GRID1: variants seen among roughly 807,000 people sequenced by gnomAD.
GRID1 encodes glutamate receptor ionotropic, delta-1.
GRID1 carries 28 observed loss-of-function variants against 98.0 expected under a neutral mutation model. The observed-to-expected ratio is 0.29, with a 90% CI of 0.21 to 0.39. The LOEUF (loss-of-function observed/expected upper bound fraction) is 0.39. Ranked by LOEUF, GRID1 falls within the 10% of genes least tolerant of loss-of-function variation. The pLI is 1.00. For missense variants in GRID1, 1,111 were observed against 1,340.5 expected (o/e 0.83, Z 2.67); for synonymous variants, 553 against 538.5 (o/e 1.03, Z -0.37).
In GRID1 at chr10:86,064,026, T is replaced by C. The variant is rs543661164; in HGVS notation, c.726+74793A>G. Among the ~76,000 whole-genome samples the C allele has an allele frequency of 3.3e-5, 5 of 152,300 alleles. No homozygotes were observed. The East Asian group carries it at 7.7e-4, about 23-fold the overall frequency. Reference sequence around the variant, plus strand: ...AAGAGATACAAAGATATTAATGATGTTTATCTCAAGGTACTGGGAACTTGT... The same window carrying C: ...AAGAGATACAAAGATATTAATGATGCTTATCTCAAGGTACTGGGAACTTGT... On this transcript the variant is annotated intron_variant, in intron 4 of 15. Coordinates refer to ENST00000327946, the MANE Select transcript of GRID1 (RefSeq NM_017551.3).
chr10:85,671,319 T>C (rs913394187), intron 12 of GRID1, among the ~76,000 whole-genome samples: 8 of 152,252 alleles, frequency 5.3e-5, no homozygotes, highest in Admixed American at 5.2e-4. Flanking sequence ...CAATAGCATG[T>C]GCTCACTTCA....
chr10:86,185,603 T>C (rs538626656), intron 3 of GRID1, among the ~76,000 whole-genome samples: 2 of 152,286 alleles, frequency 1.3e-5, no homozygotes, highest in East Asian at 3.9e-4. Context: ...TCCTCATGGA[T>C]TGTTTATAAA....
At chr10:85,633,871 T>C (rs1843003053) in intron 13 of GRID1, among the ~76,000 whole-genome samples, 1 of 152,042 alleles carries the variant, frequency 6.6e-6, no homozygotes, top group South Asian at 2.1e-4. Context: ...AAAAGAACCA[T>C]AAAAGTTTAC....
chr10:85,655,174 C>T (rs1260176137), intron 12 of GRID1, among the ~76,000 whole-genome samples: 1 of 152,214 alleles, frequency 6.6e-6, no homozygotes, highest in Non-Finnish European at 1.5e-5. Flanking sequence ...ACACTCAGGC[C>T]TCCAAGTCTT....
chr10:86,180,984 C>T (rs1011219554), intron 3 of GRID1, among the ~76,000 whole-genome samples: 2 of 152,144 alleles, frequency 1.3e-5, no homozygotes, highest in African/African-American at 4.8e-5. Context: ...TGAGGGTCCT[C>T]GCTTGGATGC....
chr10:85,802,122 G>A (rs1044965818), intron 8 of GRID1, among the ~76,000 whole-genome samples: 2 of 152,026 alleles, frequency 1.3e-5, no homozygotes, highest in Admixed American at 1.3e-4. Flanking sequence ...GTTAACCCAT[G>A]ATCAAGGAAA....
At chr10:85,715,479 T>A (rs1316092200) in intron 12 of GRID1, among the ~76,000 whole-genome samples, 7 of 152,010 alleles carry the variant, frequency 4.6e-5, no homozygotes, top group Non-Finnish European at 8.8e-5. Flanking sequence ...TGTGCTAATA[T>A]CCAAAATATA....
intron 3 of GRID1, among the ~76,000 whole-genome samples, chr10:86,168,935 G>T (rs1023949653): frequency 6.6e-6 from 1 of 152,160 alleles, no homozygotes; most frequent in African/African-American, 2.4e-5. Context: ...GGTCTGTGGG[G>T]AAAGAAATTG....
At position 86,323,087 on chromosome 10, in the gene GRID1, ACT is replaced by A. The variant is rs1318856931; in HGVS notation, c.235+40852_235+40853del. 2.0e-5 allele frequency among the ~76,000 whole-genome samples: 3 copies of A among 152,142 alleles called. No individual in the cohort carries two copies. The East Asian group carries it at 5.8e-4, about 29-fold the overall frequency. The stretch of plus-strand genomic sequence containing the variant: ...ACTCCAACCTGGGTTACAGAGCAAG[ACT>A]CTATATGAAAAAGAAAACATAAAAA... On this transcript the variant is annotated intron_variant, in intron 2 of 15. Transcript: ENST00000327946.
At chr10:85,822,614 G>A (rs1842783157) in intron 8 of GRID1, among the ~76,000 whole-genome samples, 1 of 152,210 alleles carries the variant, frequency 6.6e-6, no homozygotes, top group Non-Finnish European at 1.5e-5. Flanking sequence ...TTCAACCATT[G>A]TGGAAGTCGG....
chr10:86,204,947 T>TA (rs1304425723), intron 3 of GRID1, among the ~76,000 whole-genome samples: 2 of 123,302 alleles, frequency 1.6e-5, no homozygotes, highest in Non-Finnish European at 3.2e-5. Context: ...TCGGGGCTGT[T>TA]ACAAAATCTC....
In GRID1 at chr10:85,936,548, G is replaced by A. The variant is rs138520874; in HGVS notation, c.727-20309C>T. Among the ~76,000 whole-genome samples the A allele has an allele frequency of 3.2e-3, 477 of 151,284 alleles. 3 individuals are homozygous for A. Among genetic ancestry groups the A allele is most frequent in the Non-Finnish European group, 4.4e-3 (295 of 67,788 alleles). On this transcript the variant is annotated intron_variant, in intron 4 of 15. Transcript: ENST00000327946. The stretch of plus-strand genomic sequence containing the variant: ...AAAAAAAAGAAAAAGAGAAAAAATA[G>A]AAGCCTCACTCCCAATGGACTGGCA...
chr10:85,612,853 G>A (rs938464808), intron 15 of GRID1, among the ~76,000 whole-genome samples: 5 of 152,032 alleles, frequency 3.3e-5, no homozygotes, highest in Admixed American at 6.6e-5. Flanking sequence ...CCCAGAACCC[G>A]GAGTGTGGAC....
intron 4 of GRID1, among the ~76,000 whole-genome samples, chr10:85,977,875 A>G (rs142362237): frequency 6.6e-5 from 10 of 152,254 alleles, no homozygotes; most frequent in South Asian, 2.1e-4. Flanking sequence ...CCCTGATGGA[A>G]CATGCTTAGG....
At chr10:85,992,497 G>A (rs1842692603) in intron 4 of GRID1, among the ~76,000 whole-genome samples, 1 of 152,026 alleles carries the variant, frequency 6.6e-6, no homozygotes, top group Non-Finnish European at 1.5e-5. Flanking sequence ...TGGGGTTGGA[G>A]GTCTCACTAG....
chr10:86,198,686 G>A (rs910677976), intron 3 of GRID1, among the ~76,000 whole-genome samples: 1 of 152,176 alleles, frequency 6.6e-6, no homozygotes, highest in Non-Finnish European at 1.5e-5. Flanking sequence ...GCGGAGCTGG[G>A]ATTCAACAAG....
chr10:85,831,246 G>A (rs1842864818), intron 8 of GRID1, among the ~76,000 whole-genome samples: 1 of 152,060 alleles, frequency 6.6e-6, no homozygotes, highest in Non-Finnish European at 1.5e-5. Flanking sequence ...CTTATAAGTG[G>A]AAGCTAAACA....
chr10:86,155,577 A>C (rs541792765), intron 3 of GRID1, among the ~76,000 whole-genome samples: 19 of 152,348 alleles, frequency 1.2e-4, no homozygotes, highest in Admixed American at 2.0e-4. Context: ...AAGCCCTGTC[A>C]CCAGGATAAA....
chr10:85,789,618 C>T (rs1358582897), intron 8 of GRID1, among the ~76,000 whole-genome samples: 6 of 152,146 alleles, frequency 3.9e-5, no homozygotes, highest in African/African-American at 1.4e-4. Flanking sequence ...TCAGCTGTAG[C>T]TTTATGAATT....
Sources: allele counts gnomAD v4.1 joint callset (sites outside exome capture counted in the v4.1 genomes callset), GRCh38; gene constraint gnomAD v4.1.1; transcripts MANE v1.5; gene names NCBI Gene and HGNC (gene_info 2026-07-23, HGNC 2026-07-21).